The following TMEM116 variants were observed in gnomAD, a reference collection of about 807,000 sequenced individuals.
The protein encoded by TMEM116 is transmembrane protein 116.
Under a neutral mutation model 44.3 loss-of-function variants are expected in TMEM116, and 38 were observed. The observed-to-expected ratio is 0.86, with a 90% CI of 0.66 to 1.12. TMEM116 has a LOEUF of 1.12. TMEM116 is among the 50% of genes most tolerant of loss of function. The pLI is 0.00. For synonymous variants in TMEM116, 132 were observed against 144.8 expected (o/e 0.91, Z 0.64); for missense variants, 354 against 401.7 (o/e 0.88, Z 1.01).
At chr12:111,994,041 C>G (rs1025804534) in intron 3 of TMEM116, among the ~76,000 whole-genome samples, 2 of 152,198 alleles carry the variant, frequency 1.3e-5, no homozygotes, top group Admixed American at 1.3e-4. Context: ...TCTGAAGAAG[C>G]AGCTTGGGTT....
chr12:111,979,814 A>G (rs1305970935), intron 4 of TMEM116, among the ~76,000 whole-genome samples: 1 of 152,238 alleles, frequency 6.6e-6, no homozygotes, highest in Non-Finnish European at 1.5e-5. Flanking sequence ...GAAGACAGGT[A>G]GCAAATGAGC....
intron 4 of TMEM116, among the ~76,000 whole-genome samples, chr12:111,971,373 A>G (rs1364114213): frequency 6.6e-6 from 1 of 152,214 alleles, no homozygotes; most frequent in Non-Finnish European, 1.5e-5. Flanking sequence ...AAAGATTGGG[A>G]GAAGAGAAAT....
intron 4 of TMEM116, among the ~76,000 whole-genome samples, chr12:111,982,137 T>C (rs1453630475): frequency 6.6e-6 from 1 of 152,130 alleles, no homozygotes; most frequent in Non-Finnish European, 1.5e-5. Context: ...TGACTACAGT[T>C]AATAATATTA....
rs549763180 is a variant in TMEM116, at chr12:111,947,629, G to A, written c.211-4260C>T. ...CATTTAATTGTGAATGTCTGGTTAT[G>A]GTAAACTTTCACCAGATTTTACATG... On this transcript the variant is annotated intron_variant, in intron 4 of 10. Transcript: ENST00000552374. Among the ~76,000 whole-genome samples the A allele has an allele frequency of 2.0e-5, 3 of 152,192 alleles. No homozygotes were observed. In the South Asian group the frequency reaches 6.2e-4, roughly 32 times the overall value.
At chr12:111,950,682 C>G (rs1229205644) in intron 4 of TMEM116, among the ~76,000 whole-genome samples, 2 of 152,032 alleles carry the variant, frequency 1.3e-5, no homozygotes, top group African/African-American at 4.8e-5. Flanking sequence ...AAAATTAACT[C>G]AAGATGGATT....
Position 112,005,291 on chromosome 12 carries a change from T to C in TMEM116, c.-21A>G. ...GCCATGACAAATTGTATCCACTGTA[T>C]TGCAGGAAGAACCTAAGCAAAACAA... On this transcript the variant is annotated 5_prime_UTR_variant, in exon 2 of 11. Transcript: ENST00000552374. The C allele has an allele frequency of 7.6e-7, 1 of 1,317,600 alleles. No homozygotes were observed. Among genetic ancestry groups the C allele is most frequent in the Admixed American group, 3.9e-5 (1 of 25,550 alleles). 81.6% of individuals were successfully genotyped at this position (1,317,600 alleles called of 1,614,324 possible).
At chr12:111,956,593 C>T (rs1384416239) in intron 4 of TMEM116, among the ~76,000 whole-genome samples, 3 of 152,214 alleles carry the variant, frequency 2.0e-5, no homozygotes, top group South Asian at 2.1e-4. Flanking sequence ...GCCGCCATCT[C>T]GGCTCACTGC....
Position 111,936,686 on chromosome 12 carries a change from C to A in TMEM116, c.588+6G>T. 4 of 1,613,020 alleles carry A rather than the reference C, an allele frequency of 2.5e-6. No individual in the cohort carries two copies. The South Asian group carries it at 4.4e-5, about 18-fold the overall frequency. On this transcript the variant is annotated splice_donor_region_variant and intron_variant, in intron 8 of 10. Transcript: ENST00000552374. ...CTCCACAAAGGAAGGTAGGGTGGTA[C>A]CATACCATAATGGTAAGGAGGCTGA...
intron 3 of TMEM116, among the ~76,000 whole-genome samples, chr12:111,998,090 C>G (rs2077028597): frequency 6.6e-6 from 1 of 152,170 alleles, no homozygotes; most frequent in African/African-American, 2.4e-5. Context: ...ACTGCGTGGT[C>G]TTGGACATGT....
chr12:111,932,596 T>C lies in TMEM116; in HGVS notation c.797A>G (p.Tyr266Cys), dbSNP rs1207035014. The C allele has an allele frequency of 6.2e-7, 1 of 1,614,024 alleles. No homozygotes were observed. Residue 266 changes from tyrosine to cysteine, a missense_variant, in exon 10 of 11, where the codon TAT becomes TGT. Coordinates refer to ENST00000552374, the MANE Select transcript of TMEM116 (RefSeq NM_001193531.2). The stretch of plus-strand genomic sequence containing the variant: ...TGTTGAAGGTGTTACCTGGAGAACA[T>C]AAAGGGCCATGTGAAGCTTGGTGTC... ...PQDTKLHMALYVLQALTATSQ... is the reference protein window; with the variant it reads ...PQDTKLHMALCVLQALTATSQ...
chr12:111,993,350 A>G, intron 3 of TMEM116: 1 of 517,414 alleles, frequency 1.9e-6, no homozygotes, highest in Non-Finnish European at 3.9e-6. Context: ...CTTTGGCTAA[A>G]GGACAGGCTC....
chr12:111,990,880 C>T (rs2076523005), intron 4 of TMEM116, among the ~76,000 whole-genome samples: 1 of 151,952 alleles, frequency 6.6e-6, no homozygotes, highest in Non-Finnish European at 1.5e-5. Context: ...TATTTAATTA[C>T]CTGGAAATAC....
chr12:111,968,456 G>A (rs971661278), intron 4 of TMEM116, among the ~76,000 whole-genome samples: 1 of 152,068 alleles, frequency 6.6e-6, no homozygotes, highest in African/African-American at 2.4e-5. Context: ...AATAGTTATG[G>A]TAATACAGAA....
intron 4 of TMEM116, among the ~76,000 whole-genome samples, chr12:111,967,321 G>T (rs2075038267): frequency 6.6e-6 from 1 of 152,090 alleles, no homozygotes; most frequent in Non-Finnish European, 1.5e-5. Flanking sequence ...TCCTAAAGTT[G>T]AATAAATGGA....
chr12:111,945,092 A>C (rs2136285079), intron 4 of TMEM116, among the ~76,000 whole-genome samples: 1 of 151,072 alleles, frequency 6.6e-6, no homozygotes, highest in East Asian at 1.9e-4. Flanking sequence ...AAAAAAAAAA[A>C]AAAGCAAGCC....
chr12:111,968,992 CAAAAA>C (rs1176204219), intron 4 of TMEM116, among the ~76,000 whole-genome samples: 1 of 45,166 alleles, frequency 2.2e-5, no homozygotes, highest in African/African-American at 8.7e-5. Flanking sequence ...GACTCTATCT[CAAAAA>C]AAAAAAAAAA....
intron 4 of TMEM116, among the ~76,000 whole-genome samples, chr12:111,946,495 G>A (rs1004857113): frequency 6.6e-6 from 1 of 152,226 alleles, no homozygotes; most frequent in African/African-American, 2.4e-5. Flanking sequence ...ATGTCCTTAA[G>A]GCGCAGATCG....
intron 4 of TMEM116, among the ~76,000 whole-genome samples, chr12:111,957,526 CCG>C (rs2074227034): frequency 6.6e-6 from 1 of 150,978 alleles, no homozygotes; most frequent in Non-Finnish European, 1.5e-5. Flanking sequence ...GCCGCCCCGT[CCG>C]GGAGGTGGGG....
intron 6 of TMEM116, 199 bp downstream of exon 6, chr12:111,937,961 CA>C (rs1194705156): frequency 1.4e-5 from 5 of 367,304 alleles, no homozygotes; most frequent in Non-Finnish European, 2.5e-5. Flanking sequence ...AGCTAAAACC[CA>C]AATCTATAAC....
Sources: gnomAD v4.1 joint callset for allele counts (sites outside exome capture counted in the v4.1 genomes callset) on GRCh38, gnomAD v4.1.1 for gene constraint, MANE v1.5 for transcripts, NCBI Gene and HGNC (gene_info 2026-07-23, HGNC 2026-07-21) for gene names.